CDH23: variants seen among roughly 807,000 people sequenced by gnomAD.
The protein encoded by CDH23 is cadherin related 23.
CDH23 carries 189 observed loss-of-function variants against 317.1 expected under a neutral mutation model. That is an observed-to-expected ratio of 0.60 (90% CI 0.53 to 0.67). The LOEUF is 0.67. CDH23 is among the 30% of genes least tolerant of loss of function. The pLI is 0.00. For synonymous variants in CDH23, 1,839 were observed against 1,876.8 expected, an observed-to-expected ratio of 0.98 and a Z score of 0.52; for missense variants, 4,401 against 4,592.4, an observed-to-expected ratio of 0.96 and a Z score of 1.20.
intron 3 of CDH23, among the ~76,000 whole-genome samples, chr10:71,489,961 G>A (rs114778161): frequency 0.011 from 1,612 of 151,842 alleles, 22 homozygotes; most frequent in African/African-American, 0.031. Context: ...TTGTGTGGGG[G>A]TATGAATTTA....
chr10:71,803,120 AGGGGGAGG>A, intron 54 of CDH23, 45 bp downstream of exon 54: 1 of 843,102 alleles, frequency 1.2e-6, no homozygotes, highest in Non-Finnish European at 1.9e-6. Flanking sequence ...GGGGGGTGGG[AGGGGGAGG>A]CCTGCCAGCC....
At chr10:71,462,067 C>T (rs77125708) in intron 3 of CDH23, among the ~76,000 whole-genome samples, 2,668 of 152,300 alleles carry the variant, frequency 0.018, 79 homozygotes, top group African/African-American at 0.06. Flanking sequence ...CCCACCTGGT[C>T]GTTTCGAGAG....
At chr10:71,427,784 C>A (rs573170898) in intron 1 of CDH23, among the ~76,000 whole-genome samples, 1 of 151,008 alleles carries the variant, frequency 6.6e-6, no homozygotes, top group African/African-American at 2.4e-5. Flanking sequence ...GCAATCCTGG[C>A]TCACTGCAAC....
At chr10:71,719,092 T>TA (rs1004805574) in intron 28 of CDH23, among the ~76,000 whole-genome samples, 345 of 148,060 alleles carry the variant, frequency 2.3e-3, no homozygotes, top group Middle Eastern at 3.4e-3. Context: ...AAATAAAAAA[T>TA]AAAAAAAAAA....
At chr10:71,530,634 C>T (rs751599881) in intron 6 of CDH23, among the ~76,000 whole-genome samples, 4 of 152,204 alleles carry the variant, frequency 2.6e-5, no homozygotes, top group Admixed American at 1.3e-4. Flanking sequence ...CCTACAATTC[C>T]GACAGCCTCT....
At chr10:71,533,845 T>C (rs944034138) in intron 6 of CDH23, among the ~76,000 whole-genome samples, 2 of 152,020 alleles carry the variant, frequency 1.3e-5, no homozygotes, top group South Asian at 4.2e-4. Context: ...CCCGCTCTCA[T>C]TACCAGCTGT....
At chr10:71,738,298 C>CA (rs1189187785) in intron 34 of CDH23, among the ~76,000 whole-genome samples, 200 bp from the exon 35 acceptor site, 1 of 152,180 alleles carries the variant, frequency 6.6e-6, no homozygotes, top group Non-Finnish European at 1.5e-5. Flanking sequence ...CCTGCCACCC[C>CA]ACACCAATCA....
intron 3 of CDH23, among the ~76,000 whole-genome samples, chr10:71,487,980 T>C (rs952367665): frequency 6.6e-6 from 1 of 152,250 alleles, no homozygotes; most frequent in African/African-American, 2.4e-5. Context: ...TACACCATCA[T>C]TGCATACATA....
intron 38 of CDH23, among the ~76,000 whole-genome samples, chr10:71,769,038 G>C (rs1399953894): frequency 6.6e-6 from 1 of 152,192 alleles, no homozygotes; most frequent in Non-Finnish European, 1.5e-5. Flanking sequence ...CCTCCTTCTT[G>C]AAGACGGACA....
chr10:71,684,629 G>C (rs2132687851), intron 18 of CDH23, among the ~76,000 whole-genome samples: 1 of 152,300 alleles, frequency 6.6e-6, no homozygotes, highest in South Asian at 2.1e-4. Context: ...GGCTGAAATG[G>C]GATTGTGCAG....
chr10:71,685,659 G>A (rs1486503587), intron 18 of CDH23, among the ~76,000 whole-genome samples: 1 of 152,230 alleles, frequency 6.6e-6, no homozygotes, highest in Admixed American at 6.5e-5. Flanking sequence ...GGGACAAGCA[G>A]GGGCCCTGCA....
intron 5 of CDH23, 40 bp from the exon 6 acceptor site, chr10:71,511,080 G>T: frequency 6.2e-7 from 1 of 1,612,048 alleles, no homozygotes; most frequent in Non-Finnish European, 8.5e-7. Context: ...AGAGGCCAGA[G>T]TCAGGTGGCG....
intron 47 of CDH23, among the ~76,000 whole-genome samples, chr10:71,792,782 A>G (rs1442235708): frequency 7.2e-6 from 1 of 138,526 alleles, no homozygotes; most frequent in Non-Finnish European, 1.5e-5. Flanking sequence ...AGATCACACC[A>G]CTGCACTCCA....
chr10:71,476,658 G>A (rs1181570796), intron 3 of CDH23, among the ~76,000 whole-genome samples: 1 of 152,190 alleles, frequency 6.6e-6, no homozygotes, highest in African/African-American at 2.4e-5. Flanking sequence ...GATTTCAAGT[G>A]TGCAATATAT....
At chr10:71,734,505 C>A (rs1266856800) in intron 33 of CDH23, 151 bp from the exon 34 acceptor site, 8 of 1,574,246 alleles carry the variant, frequency 5.1e-6, no homozygotes, top group Admixed American at 1.8e-5. Context: ...ACCTTCCCAG[C>A]AGGTTGGGCT....
intron 11 of CDH23, among the ~76,000 whole-genome samples, chr10:71,642,437 C>T (rs185238850): frequency 2.5e-5 from 3 of 119,072 alleles, no homozygotes; most frequent in Admixed American, 1.1e-4. Flanking sequence ...CTCACTCTGT[C>T]GCCCAGACTG....
At chr10:71,734,706 A>G (rs1746270474) in intron 34 of CDH23, 48 bp downstream of exon 34, 4 of 1,284,102 alleles carry the variant, frequency 3.1e-6, no homozygotes, top group Admixed American at 1.9e-5. Context: ...GGCTGTGGCC[A>G]GTGCTGGCCG....
At chr10:71,720,964 C>G (rs1373082021) in intron 28 of CDH23, among the ~76,000 whole-genome samples, 1 of 152,204 alleles carries the variant, frequency 6.6e-6, no homozygotes, top group African/African-American at 2.4e-5. Flanking sequence ...TTTTCAATGC[C>G]CAGAGTCCCC....
At chr10:71,639,019 A>C (rs898170451) in intron 11 of CDH23, among the ~76,000 whole-genome samples, 5 of 152,192 alleles carry the variant, frequency 3.3e-5, no homozygotes, top group African/African-American at 1.2e-4. Context: ...AGGGACCGGC[A>C]GGGAGCCAGG....
Sources: allele counts gnomAD v4.1 joint callset (sites outside exome capture counted in the v4.1 genomes callset), GRCh38; gene constraint gnomAD v4.1.1; transcripts MANE v1.5; gene names NCBI Gene and HGNC (gene_info 2026-07-23, HGNC 2026-07-21).